Variants in KHDRBS2 observed in about 807,000 individuals in gnomAD.
The protein encoded by KHDRBS2 is KH domain-containing, RNA-binding, signal transduction-associated protein 2.
KHDRBS2 carries 26 observed loss-of-function variants against 44.3 expected under a neutral mutation model. The observed-to-expected ratio is 0.59, with a 90% confidence interval of 0.43 to 0.81. The LOEUF (loss-of-function observed/expected upper bound fraction) is 0.81. Among genes scored for constraint, KHDRBS2 ranks in the 40% least tolerant of loss-of-function variants. KHDRBS2 has a pLI of 0.00. For synonymous variants in KHDRBS2, 194 were observed against 151.1 expected (o/e 1.28, Z -2.08); for missense variants, 476 against 433.1 (o/e 1.10, Z -0.88).
chr6:62,093,867 T>TGTGTGTGA (rs1347165747), intron 2 of KHDRBS2, among the ~76,000 whole-genome samples: 2 of 147,650 alleles, frequency 1.4e-5, no homozygotes, highest in African/African-American at 5.1e-5. Flanking sequence ...TGTGTGTGTG[T>TGTGTGTGA]GTGTGTGTGT....
chr6:61,662,585 T>C, the KHDRBS2 span, among the ~76,000 whole-genome samples: 2 of 151,800 alleles, frequency 1.3e-5, no homozygotes, highest in African/African-American at 2.4e-5. Context: ...AACAAGTGGG[T>C]GAAGGATATG....
At chr6:61,751,930 T>C (rs1046299879) in intron 6 of KHDRBS2, among the ~76,000 whole-genome samples, 1 of 139,838 alleles carries the variant, frequency 7.2e-6, no homozygotes, top group Non-Finnish European at 1.6e-5. Context: ...CTTTCCTCTG[T>C]GTACACACTT....
the KHDRBS2 span, among the ~76,000 whole-genome samples, chr6:61,576,317 T>C: frequency 3.4e-5 from 5 of 145,598 alleles, no homozygotes; most frequent in East Asian, 6.3e-4. Context: ...ATTAAGTGTA[T>C]GCCTAGGTAT....
intron 6 of KHDRBS2, among the ~76,000 whole-genome samples, chr6:61,804,647 C>T (rs778395399): frequency 1.2e-4 from 19 of 152,178 alleles, no homozygotes; most frequent in African/African-American, 3.9e-4. Flanking sequence ...GGTTCCCAAA[C>T]CTTAATTCTT....
rs188010972 is a variant in KHDRBS2, at chr6:62,106,135, G to C, written c.220-58141C>G. 3.9e-3 allele frequency among the ~76,000 whole-genome samples: 588 copies of C among 152,200 alleles called. 1 individual carries two copies. The highest frequency in any genetic ancestry group is 0.014 in the African/African-American group (563 of 41,544). Reference sequence around the variant, plus strand: ...AGTTCTAGTTTGATTGCACTGTGGTGTGAGAGACAGTTTGTTATAATTTCT... The same window carrying C: ...AGTTCTAGTTTGATTGCACTGTGGTCTGAGAGACAGTTTGTTATAATTTCT... On this transcript the variant is annotated intron_variant, in intron 2 of 8. Transcript: ENST00000281156.
intron 2 of KHDRBS2, among the ~76,000 whole-genome samples, chr6:62,115,857 T>C (rs1384546117): frequency 2.6e-5 from 4 of 151,980 alleles, no homozygotes; most frequent in African/African-American, 4.8e-5. Context: ...AAATTACTAA[T>C]CTGAGATAGA....
At chr6:62,045,664 G>C (rs1216284056) in intron 3 of KHDRBS2, among the ~76,000 whole-genome samples, 2 of 151,912 alleles carry the variant, frequency 1.3e-5, no homozygotes, top group Non-Finnish European at 2.9e-5. Flanking sequence ...ACATATGCCG[G>C]TTTGTATGGA....
At chr6:62,009,506 C>G (rs1779885684) in intron 3 of KHDRBS2, among the ~76,000 whole-genome samples, 1 of 152,132 alleles carries the variant, frequency 6.6e-6, no homozygotes, top group Admixed American at 6.5e-5. Context: ...TAATGAGGAG[C>G]CGAATGTTAA....
the KHDRBS2 span, among the ~76,000 whole-genome samples, chr6:61,619,601 T>A: frequency 1.3e-5 from 2 of 152,140 alleles, no homozygotes; most frequent in African/African-American, 4.8e-5. Flanking sequence ...ATTATAGGCA[T>A]GTGCCACCAC....
At chr6:62,284,132 T>C (rs1842158846) in intron 1 of KHDRBS2, among the ~76,000 whole-genome samples, 1 of 152,182 alleles carries the variant, frequency 6.6e-6, no homozygotes, top group African/African-American at 2.4e-5. Context: ...ATTCTCTGAC[T>C]GTTTTACCAG....
intron 2 of KHDRBS2, among the ~76,000 whole-genome samples, chr6:62,085,595 G>A (rs554401979): frequency 1.3e-5 from 2 of 152,080 alleles, no homozygotes. Flanking sequence ...GTTATATTAA[G>A]CACAAACAAA....
intron 2 of KHDRBS2, among the ~76,000 whole-genome samples, chr6:62,079,245 T>C (rs893607600): frequency 6.6e-6 from 1 of 152,026 alleles, no homozygotes; most frequent in African/African-American, 2.4e-5. Context: ...AAGTGTTTTT[T>C]TCTATTAATC....
chr6:62,227,257 C>T (rs1461110175), intron 1 of KHDRBS2, among the ~76,000 whole-genome samples: 1 of 152,016 alleles, frequency 6.6e-6, no homozygotes, highest in Non-Finnish European at 1.5e-5. Context: ...TAGCTGTATT[C>T]CTAGGTATTC....
intron 2 of KHDRBS2, among the ~76,000 whole-genome samples, chr6:62,142,581 G>A (rs1396614507): frequency 3.3e-5 from 5 of 151,808 alleles, no homozygotes; most frequent in African/African-American, 1.2e-4. Context: ...CCTAGCTCTA[G>A]AACACCACAA....
chr6:61,884,180 A>G (rs1800592728), intron 6 of KHDRBS2, among the ~76,000 whole-genome samples: 2 of 152,058 alleles, frequency 1.3e-5, no homozygotes, highest in African/African-American at 2.4e-5. Flanking sequence ...TAGTTCTCTC[A>G]TTGTTACTGG....
chr6:62,282,231 T>C (rs1192999785), intron 1 of KHDRBS2, among the ~76,000 whole-genome samples: 2 of 152,190 alleles, frequency 1.3e-5, no homozygotes, highest in African/African-American at 2.4e-5. Context: ...TAATCCCTCT[T>C]TTCTTAATAT....
intron 8 of KHDRBS2, 70 bp downstream of exon 8, chr6:61,697,125 A>G: frequency 2.0e-6 from 2 of 1,004,600 alleles, no homozygotes; most frequent in Non-Finnish European, 3.2e-6. Context: ...GAAAGATGGA[A>G]ATAATGTTTG....
chr6:62,008,536 G>A (rs1162155930), intron 3 of KHDRBS2, among the ~76,000 whole-genome samples: 1 of 152,156 alleles, frequency 6.6e-6, no homozygotes, highest in African/African-American at 2.4e-5. Flanking sequence ...ACTCCTAAGT[G>A]GTGTATATAC....
intron 1 of KHDRBS2, among the ~76,000 whole-genome samples, chr6:62,234,734 T>C (rs1026581271): frequency 9.2e-5 from 14 of 152,046 alleles, no homozygotes; most frequent in African/African-American, 2.6e-4. Context: ...ATGGTGACCA[T>C]AGGAGTACTT....
Sources: allele counts gnomAD v4.1 joint callset (sites outside exome capture counted in the v4.1 genomes callset), GRCh38; gene constraint gnomAD v4.1.1; transcripts MANE v1.5; gene names NCBI Gene and HGNC (gene_info 2026-07-23, HGNC 2026-07-21).